FCHSD2: variants seen among roughly 807,000 people sequenced by gnomAD.
FCHSD2 encodes F-BAR and double SH3 domains protein 2.
In FCHSD2, 38 loss-of-function variants were observed where a neutral mutation model predicts 108.1. The ratio of observed to expected loss-of-function variants is 0.35; its 90% CI spans 0.27 to 0.46. The LOEUF is 0.46. Ranked by LOEUF, FCHSD2 falls within the 20% of genes least tolerant of loss-of-function variation. The pLI is 1.00. For synonymous variants in FCHSD2, 279 were observed against 314.7 expected (o/e 0.89, Z 1.20); for missense variants, 751 against 897.8 (o/e 0.84, Z 2.09).
intron 12 of FCHSD2, among the ~76,000 whole-genome samples, chr11:72,870,264 T>TGGGA (rs1234622632): frequency 7.2e-5 from 11 of 152,226 alleles, no homozygotes; most frequent in Admixed American, 6.5e-4. Flanking sequence ...CTAATTACAA[T>TGGGA]GTGATAGGCA....
At chr11:73,110,775 T>C (rs969353679) in intron 2 of FCHSD2, among the ~76,000 whole-genome samples, 5 of 151,664 alleles carry the variant, frequency 3.3e-5, no homozygotes, top group Non-Finnish European at 7.4e-5. Flanking sequence ...TAGCTGAAGA[T>C]TTTTTTTTCT....
chr11:73,137,930 G>T (rs561877607), intron 2 of FCHSD2, among the ~76,000 whole-genome samples: 1 of 152,308 alleles, frequency 6.6e-6, no homozygotes, highest in South Asian at 2.1e-4. Context: ...TATCCAGAAG[G>T]CCACAGAGGA....
rs550477293 is a variant in FCHSD2 at position 73,030,894 on chromosome 11, T to C, written c.166-15009A>G. Among the ~76,000 whole-genome samples, 4 of 152,292 alleles carry C rather than the reference T, an allele frequency of 2.6e-5. No individual in the cohort carries two copies. In the South Asian group the frequency reaches 6.2e-4, roughly 24 times the overall value. ...ACAATATTATTAACTATAGTCCTCATGATACACATTATATCTCTATACTTG... is the reference window on the plus strand; with the variant it reads ...ACAATATTATTAACTATAGTCCTCACGATACACATTATATCTCTATACTTG... On this transcript the variant is annotated intron_variant, in intron 3 of 19. Transcript: ENST00000409418.
At chr11:72,863,875 C>T (rs886199539) in intron 13 of FCHSD2, among the ~76,000 whole-genome samples, 2 of 152,114 alleles carry the variant, frequency 1.3e-5, no homozygotes, top group African/African-American at 4.8e-5. Context: ...ACTAGTACCC[C>T]GTTGATGTAA....
chr11:73,008,308 C>T (rs1857786272), intron 4 of FCHSD2, among the ~76,000 whole-genome samples: 1 of 151,866 alleles, frequency 6.6e-6, no homozygotes, highest in Non-Finnish European at 1.5e-5. Context: ...CACTGCACTC[C>T]AGCCTGGGCG....
chr11:73,122,022 T>C (rs1330817147), intron 2 of FCHSD2, among the ~76,000 whole-genome samples: 1 of 152,176 alleles, frequency 6.6e-6, no homozygotes, highest in African/African-American at 2.4e-5. Context: ...CTATCTACAA[T>C]ATGACTGCAA....
intron 8 of FCHSD2, among the ~76,000 whole-genome samples, chr11:72,980,488 C>T (rs1292535403): frequency 1.3e-5 from 2 of 151,836 alleles, no homozygotes; most frequent in Non-Finnish European, 2.9e-5. Flanking sequence ...GAGCTATGAA[C>T]TTTAACGAGG....
intron 9 of FCHSD2, among the ~76,000 whole-genome samples, chr11:72,912,171 C>T (rs1855777837): frequency 6.6e-6 from 1 of 152,130 alleles, no homozygotes; most frequent in African/African-American, 2.4e-5. Context: ...CTAGGACTTC[C>T]AGTACTATGT....
chr11:73,136,999 G>A lies in FCHSD2; in HGVS notation c.119+3032C>T, dbSNP rs1233847412. Among the ~76,000 whole-genome samples, 3 of 152,190 alleles carry A rather than the reference G, an allele frequency of 2.0e-5. No individual in the cohort carries two copies. The East Asian group carries it at 5.8e-4, about 29-fold the overall frequency. On this transcript the variant is annotated intron_variant, in intron 2 of 19. Coordinates refer to ENST00000409418, the MANE Select transcript of FCHSD2 (RefSeq NM_014824.3). ...GCTGAGATTGCACCACTGCACTCCA[G>A]CCTAGCCAACAGAGCGAGACTTTGT...
intron 8 of FCHSD2, among the ~76,000 whole-genome samples, chr11:72,957,324 G>T (rs901317810): frequency 6.7e-6 from 1 of 149,920 alleles, no homozygotes; most frequent in Non-Finnish European, 1.5e-5. Context: ...GAGAATGATG[G>T]TTTCCAGTTT....
chr11:72,859,190 A>T (rs1322753775), intron 13 of FCHSD2, among the ~76,000 whole-genome samples: 2 of 152,206 alleles, frequency 1.3e-5, no homozygotes, highest in African/African-American at 2.4e-5. Context: ...GAAAATATTA[A>T]GTGGAAAGTT....
chr11:72,949,062 C>T (rs1241518444), intron 8 of FCHSD2, among the ~76,000 whole-genome samples: 1 of 152,136 alleles, frequency 6.6e-6, no homozygotes, highest in African/African-American at 2.4e-5. Flanking sequence ...TTAAGTTAAT[C>T]ATTTTAAAGT....
At chr11:73,120,721 T>C (rs570806242) in intron 2 of FCHSD2, among the ~76,000 whole-genome samples, 1 of 150,872 alleles carries the variant, frequency 6.6e-6, no homozygotes, top group Non-Finnish European at 1.5e-5. Context: ...AACAGCAAAA[T>C]TGTGTCTAAA....
chr11:73,009,604 C>T (rs567014258), intron 4 of FCHSD2, among the ~76,000 whole-genome samples: 170 of 152,224 alleles, frequency 1.1e-3, no homozygotes, highest in Non-Finnish European at 1.9e-3. Flanking sequence ...AATTCCCTAA[C>T]CTTTTGCTTG....
intron 9 of FCHSD2, among the ~76,000 whole-genome samples, chr11:72,916,965 A>ATTT: frequency 8.0e-6 from 1 of 124,504 alleles, no homozygotes; most frequent in African/African-American, 3.2e-5. Flanking sequence ...ATTGAACTTC[A>ATTT]TTCTTTTTTT....
At chr11:73,099,370 C>A (rs886599093) in intron 2 of FCHSD2, among the ~76,000 whole-genome samples, 5 of 152,144 alleles carry the variant, frequency 3.3e-5, no homozygotes, top group African/African-American at 9.7e-5. Context: ...AAATTATGTA[C>A]CTGCTACAGA....
intron 2 of FCHSD2, among the ~76,000 whole-genome samples, chr11:73,107,898 G>C (rs1860382774): frequency 6.6e-6 from 1 of 152,180 alleles, no homozygotes; most frequent in Non-Finnish European, 1.5e-5. Context: ...GAACAGTACT[G>C]CAATCGACAT....
intron 3 of FCHSD2, among the ~76,000 whole-genome samples, chr11:73,020,902 C>T (rs117377192): frequency 0.02 from 3,009 of 151,888 alleles, 46 homozygotes; most frequent in Non-Finnish European, 0.029. Flanking sequence ...TGAGACAGGG[C>T]CTTGCTCTGT....
intron 3 of FCHSD2, among the ~76,000 whole-genome samples, chr11:73,041,331 T>C (rs1858632673): frequency 6.6e-6 from 1 of 152,220 alleles, no homozygotes; most frequent in African/African-American, 2.4e-5. Context: ...GCTATACTAA[T>C]TTACATTCCT....
Sources: gnomAD v4.1 joint callset for allele counts (sites outside exome capture counted in the v4.1 genomes callset) on GRCh38, gnomAD v4.1.1 for gene constraint, MANE v1.5 for transcripts, NCBI Gene and HGNC (gene_info 2026-07-23, HGNC 2026-07-21) for gene names.